Variants in TOMM70 observed in about 807,000 individuals in gnomAD.
The protein encoded by TOMM70 is mitochondrial import receptor subunit TOM70.
Under a neutral mutation model 73.6 loss-of-function variants are expected in TOMM70, and 13 were observed. The ratio of observed to expected loss-of-function variants is 0.18; its 90% CI spans 0.11 to 0.28. The LOEUF (loss-of-function observed/expected upper bound fraction) is 0.28. Ranked by LOEUF, TOMM70 falls within the 10% of genes least tolerant of loss-of-function variation. TOMM70 has a pLI of 1.00. For missense variants in TOMM70, 609 were observed against 747.5 expected (o/e 0.81, Z 2.16); for synonymous variants, 257 against 271.2 (o/e 0.95, Z 0.51).
chr3:100,392,131 A>G (rs1242999606), intron 1 of TOMM70, among the ~76,000 whole-genome samples: 1 of 152,214 alleles, frequency 6.6e-6, no homozygotes. Context: ...GGTGCGTAGG[A>G]GACTGTACTA....
intron 10 of TOMM70, 108 bp from the exon 11 acceptor site, chr3:100,368,274 TA>T (rs1553737054): frequency 7.8e-7 from 1 of 1,281,486 alleles, no homozygotes; most frequent in South Asian, 1.5e-5. Context: ...TAAGTTAACT[TA>T]TAACTTATAA....
At chr3:100,384,247 C>T (rs76412610) in intron 4 of TOMM70, among the ~76,000 whole-genome samples, 22,443 of 152,148 alleles carry the variant, frequency 0.15, 3,054 homozygotes, top group East Asian at 0.49. Flanking sequence ...GTGGCAATCC[C>T]TAACACAGAT....
chr3:100,400,756 C>T lies in TOMM70; in HGVS notation c.194G>A (p.Arg65His), dbSNP rs760677720. The change falls in exon 1 of 12, where the codon CGC (arginine) becomes CAC (histidine). Residue 65 changes from arginine to histidine, a missense_variant. This residue lies in a region of TOMM70 where 177 missense variants were observed against 163.5 expected (regional missense o/e 1.08). Coordinates refer to ENST00000284320, the MANE Select transcript of TOMM70 (RefSeq NM_014820.5). ...GTCGCCCCGGCCTCTGGCCTCCCGG[C>T]GCCGTTGCTGCCGACTCCACAGGTA... ...AIYLWSRQQRRREARGRGDAS... is the reference protein window; with the variant it reads ...AIYLWSRQQRHREARGRGDAS... The T allele has an allele frequency of 2.5e-6, 4 of 1,593,668 alleles. 1 individual carries two copies. In the South Asian group the frequency reaches 4.5e-5, roughly 18 times the overall value.
At chr3:100,374,172 G>C (rs1300411014) in intron 7 of TOMM70, among the ~76,000 whole-genome samples, 1 of 152,176 alleles carries the variant, frequency 6.6e-6, no homozygotes, top group Non-Finnish European at 1.5e-5. Flanking sequence ...TCTATGTTTA[G>C]ATATGTTTTA....
intron 4 of TOMM70, among the ~76,000 whole-genome samples, chr3:100,383,263 T>C (rs1396228660): frequency 6.6e-6 from 1 of 152,114 alleles, no homozygotes; most frequent in Admixed American, 6.5e-5. Context: ...GGCTCATGCC[T>C]GTAATTCTAG....
In TOMM70 at chr3:100,386,819, C is replaced by A; in HGVS notation, c.484G>T (p.Ala162Ser). Residue 162 changes from alanine (A) to serine (S), a missense_variant, in exon 2 of 12, where the codon GCC (alanine) becomes TCC (serine). Physicochemically the swap from Ala to Ser is moderately conservative, Grantham distance 99. Around this residue, in one of 2 missense-constraint regions of TOMM70, gnomAD observed 432 missense variants for 584.1 expected, o/e 0.74. Coordinates refer to ENST00000284320, the MANE Select transcript of TOMM70 (RefSeq NM_014820.5). ...AGAGTACATACCAACTGTTCAAAGG[C>A]AGCAGCTCTGTTTTGATAAAATGTA... ...LSTFYQNRAA[A>S]FEQLQKWKEV... 6.2e-7 allele frequency: 1 copy of A among 1,613,974 alleles called. No individual in the cohort carries two copies. The highest frequency in any genetic ancestry group is 8.5e-7 in the Non-Finnish European group (1 of 1,179,980).
In TOMM70 at chr3:100,377,830, C is replaced by T. The variant is rs1682772962; in HGVS notation, c.967G>A (p.Ala323Thr). 6.2e-7 allele frequency: 1 copy of T among 1,614,202 alleles called. No homozygotes were observed. Among genetic ancestry groups the T allele is most frequent in the Non-Finnish European group, 8.5e-7 (1 of 1,180,036 alleles). ...GCTTCTGCCATGTATTTGCCTTCAG[C>T]ATCTATTTCTTTTGAGCATTCACTT... The part of the protein sequence containing the change: ...IISECSKEID[A>T]EGKYMAEALL... The change falls in exon 6 of 12, where the codon GCT becomes ACT. Residue 323 changes from alanine to threonine, a missense_variant. Transcript: ENST00000284320.
At position 100,373,535 on chromosome 3, in the gene TOMM70, T is replaced by C; in HGVS notation, c.1335+3A>G. On this transcript the variant is annotated splice_donor_region_variant and intron_variant, in intron 8 of 11. Coordinates refer to ENST00000284320, the MANE Select transcript of TOMM70 (RefSeq NM_014820.5). The stretch of plus-strand genomic sequence containing the variant: ...GGAAAATACAAAAGAAAGTAGTACC[T>C]ACCAATGCAAAACATTTCTGTGCTT... The C allele has an allele frequency of 6.3e-7, 1 of 1,599,852 alleles. No homozygotes were observed. Among genetic ancestry groups the C allele is most frequent in the East Asian group, 2.3e-5 (1 of 44,090 alleles).
chr3:100,380,861 C>A (rs561130150), intron 5 of TOMM70, among the ~76,000 whole-genome samples: 57 of 152,150 alleles, frequency 3.7e-4, no homozygotes, highest in African/African-American at 1.3e-3. Flanking sequence ...AATCAAAAGC[C>A]ATTTGTTTCT....
intron 3 of TOMM70, among the ~76,000 whole-genome samples, chr3:100,385,752 T>C (rs926375660): frequency 3.3e-5 from 5 of 152,200 alleles, no homozygotes; most frequent in African/African-American, 9.6e-5. Context: ...TAATTTCCAA[T>C]TGGGTATAAA....
At chr3:100,381,866 T>A in intron 4 of TOMM70, 103 bp from the exon 5 acceptor site, 1 of 1,228,344 alleles carries the variant, frequency 8.1e-7, no homozygotes, top group Non-Finnish European at 1.1e-6. Flanking sequence ...AATTGGATTC[T>A]CATTTTCAAA....
intron 9 of TOMM70, among the ~76,000 whole-genome samples, chr3:100,371,764 A>AGGG (rs1706512485): frequency 6.6e-6 from 1 of 152,130 alleles, no homozygotes; most frequent in African/African-American, 2.4e-5. Flanking sequence ...TAGGAGGAGG[A>AGGG]GGGATGGTTT....
At chr3:100,370,717 G>A (rs1355851205) in intron 9 of TOMM70, among the ~76,000 whole-genome samples, 1 of 152,158 alleles carries the variant, frequency 6.6e-6, no homozygotes, top group African/African-American at 2.4e-5. Context: ...ATATAGTGAA[G>A]CTAAAATTAG....
chr3:100,400,645 G>C lies in TOMM70; in HGVS notation c.305C>G (p.Pro102Arg), dbSNP rs759055962. The part of the protein sequence containing the change: ...PAPGSGHPEG[P>R]GAHLDMNSLD... ...TCTCACCATGTCCAAGTGAGCACCG[G>C]GACCTTCAGGGTGTCCGCTGCCCGG... The change falls in exon 1 of 12, where the codon CCC (proline) becomes CGC (arginine). Residue 102 changes from proline (P) to arginine (R), a missense_variant. Pro to Arg is a moderately radical substitution (Grantham distance 103). Coordinates refer to ENST00000284320, the MANE Select transcript of TOMM70 (RefSeq NM_014820.5). 1 of 1,612,132 alleles carries C rather than the reference G, an allele frequency of 6.2e-7. No individual in the cohort carries two copies. Among genetic ancestry groups the C allele is most frequent in the Non-Finnish European group, 8.5e-7 (1 of 1,179,636 alleles).
chr3:100,369,355 GGTTA>G (rs746760733), intron 9 of TOMM70, among the ~76,000 whole-genome samples: 2 of 152,078 alleles, frequency 1.3e-5, no homozygotes, highest in East Asian at 1.9e-4. Flanking sequence ...TTCAGCAAGT[GGTTA>G]GTTATATGCC....
At chr3:100,380,639 T>C (rs553069838) in intron 5 of TOMM70, among the ~76,000 whole-genome samples, 1 of 152,340 alleles carries the variant, frequency 6.6e-6, no homozygotes, top group Admixed American at 6.5e-5. Context: ...ATTATAGTTT[T>C]TCTGGGACAA....
chr3:100,366,169 C>A (rs1267647956), intron 11 of TOMM70, among the ~76,000 whole-genome samples: 1 of 152,196 alleles, frequency 6.6e-6, no homozygotes, highest in Non-Finnish European at 1.5e-5. Flanking sequence ...CTTACCTTCA[C>A]AGACTGATGT....
At chr3:100,376,369 G>GTTTGTTTT in intron 6 of TOMM70, among the ~76,000 whole-genome samples, 1 of 121,776 alleles carries the variant, frequency 8.2e-6, no homozygotes, top group East Asian at 2.9e-4. Flanking sequence ...TCACACAGAA[G>GTTTGTTTT]TTTTTTTTTT....
At chr3:100,397,173 C>T (rs1211278559) in intron 1 of TOMM70, among the ~76,000 whole-genome samples, 4 of 152,186 alleles carry the variant, frequency 2.6e-5, no homozygotes, top group Admixed American at 6.5e-5. Context: ...GTTGCGAAAT[C>T]CACCGAGGAT....
Sources: allele counts gnomAD v4.1 joint callset (sites outside exome capture counted in the v4.1 genomes callset), GRCh38; gene constraint gnomAD v4.1.1; regional missense constraint gnomAD v4.1.1; transcripts MANE v1.5; gene names NCBI Gene and HGNC (gene_info 2026-07-23, HGNC 2026-07-21).